TTLL11: variants seen among roughly 807,000 people sequenced by gnomAD.
The protein encoded by TTLL11 is tubulin polyglutamylase TTLL11.
In TTLL11, 42 loss-of-function variants were observed where a neutral mutation model predicts 51.7. The observed-to-expected ratio is 0.81, with a 90% CI of 0.64 to 1.05. TTLL11 has a LOEUF of 1.05. TTLL11 is among the 50% of genes least tolerant of loss of function. The pLI is 0.00. For synonymous variants in TTLL11, 381 were observed against 383.5 expected (o/e 0.99, Z 0.08); for missense variants, 799 against 940.4 (o/e 0.85, Z 1.97).
intron 6 of TTLL11, among the ~76,000 whole-genome samples, chr9:121,872,992 AG>A (rs1485146695): frequency 6.0e-4 from 91 of 152,356 alleles, no homozygotes; most frequent in Non-Finnish European, 7.5e-4. Context: ...TTAAGGTTAT[AG>A]GAAGAAAGAT....
At chr9:122,044,927 T>TAC (rs1161688319) in intron 1 of TTLL11, among the ~76,000 whole-genome samples, 1 of 151,768 alleles carries the variant, frequency 6.6e-6, no homozygotes, top group Non-Finnish European at 1.5e-5. Context: ...GGCCCCCATC[T>TAC]AACAAACAAC....
chr9:121,880,389 T>C (rs1432027376), intron 6 of TTLL11, among the ~76,000 whole-genome samples: 1 of 152,120 alleles, frequency 6.6e-6, no homozygotes, highest in African/African-American at 2.4e-5. Context: ...AAAACAGCCA[T>C]CTTTCAAATT....
At chr9:121,911,792 A>G (rs10818611) in intron 6 of TTLL11, among the ~76,000 whole-genome samples, 132,744 of 152,014 alleles carry the variant, frequency 0.87, 58,251 homozygotes, top group East Asian at 1. Context: ...GGGGTGGGGA[A>G]CTAGGGGAGG....
chr9:121,953,335 G>C (rs1397245117), intron 6 of TTLL11, among the ~76,000 whole-genome samples: 1 of 152,118 alleles, frequency 6.6e-6, no homozygotes, highest in Non-Finnish European at 1.5e-5. Context: ...GCCCAGAGTA[G>C]AAAATTAACC....
chr9:121,970,460 A>G (rs1384512817), intron 6 of TTLL11, among the ~76,000 whole-genome samples: 1 of 152,264 alleles, frequency 6.6e-6, no homozygotes, highest in Non-Finnish European at 1.5e-5. Flanking sequence ...AAAAAGACTC[A>G]GGCCATACAA....
At chr9:121,827,051 G>C (rs1317649012) in intron 8 of TTLL11, among the ~76,000 whole-genome samples, 1 of 152,306 alleles carries the variant, frequency 6.6e-6, no homozygotes, top group Middle Eastern at 3.4e-3. Flanking sequence ...GGCAAGGCCC[G>C]CGTGATCCGA....
intron 6 of TTLL11, among the ~76,000 whole-genome samples, chr9:121,903,925 T>C (rs1839848697): frequency 6.6e-6 from 1 of 152,220 alleles, no homozygotes; most frequent in Admixed American, 6.5e-5. Flanking sequence ...TGTTATTTTA[T>C]AGCTGGGAGT....
chr9:121,965,524 G>A lies in TTLL11; in HGVS notation c.1481+8485C>T, dbSNP rs376660526. ...CAATCCCCTCCCACCAGGTCTTGTGGGGATTACAATCCGAGATGAGATTTG... is the reference window on the plus strand; with the variant it reads ...CAATCCCCTCCCACCAGGTCTTGTGAGGATTACAATCCGAGATGAGATTTG... On this transcript the variant is annotated intron_variant, in intron 6 of 8. Coordinates refer to ENST00000321582, the MANE Select transcript of TTLL11 (RefSeq NM_001139442.2). Among the ~76,000 whole-genome samples the A allele has an allele frequency of 1.0e-3, 152 of 152,230 alleles. 1 individual carries two copies. Among genetic ancestry groups the A allele is most frequent in the African/African-American group, 3.5e-3 (145 of 41,544 alleles).
At chr9:121,985,533 T>C (rs1295311290) in intron 4 of TTLL11, among the ~76,000 whole-genome samples, 2 of 147,762 alleles carry the variant, frequency 1.4e-5, no homozygotes, top group Non-Finnish European at 3.0e-5. Context: ...TTTTTTTTTT[T>C]TGAGACTGAG....
intron 6 of TTLL11, among the ~76,000 whole-genome samples, chr9:121,961,181 C>T (rs1192782692): frequency 1.3e-5 from 2 of 152,102 alleles, no homozygotes; most frequent in African/African-American, 2.4e-5. Flanking sequence ...ATGAACCTGG[C>T]ACTGCTGTAG....
Position 122,011,426 on chromosome 9 carries a change from G to A in TTLL11, c.693+20297C>T, listed in dbSNP as rs1051379321. Among the ~76,000 whole-genome samples the A allele has an allele frequency of 2.6e-5, 4 of 152,032 alleles. No homozygotes were observed. The South Asian group carries it at 6.2e-4, about 24-fold the overall frequency. ...GAAAAAAAGTATATAATGTATTCAC[G>A]ATTATAGCCAGAGCATGTGATGTAT... On this transcript the variant is annotated intron_variant, in intron 3 of 8. Coordinates refer to ENST00000321582, the MANE Select transcript of TTLL11 (RefSeq NM_001139442.2).
At chr9:122,015,522 C>T (rs73550083) in intron 3 of TTLL11, among the ~76,000 whole-genome samples, 10,840 of 152,096 alleles carry the variant, frequency 0.071, 772 homozygotes, top group African/African-American at 0.16. Context: ...GCCACTGCAT[C>T]GGCCTCCAGG....
In TTLL11 at chr9:121,822,309, A is replaced by C; in HGVS notation, c.*278T>G. On this transcript the variant is annotated 3_prime_UTR_variant, in exon 9 of 9. Coordinates refer to ENST00000321582, the MANE Select transcript of TTLL11 (RefSeq NM_001139442.2). This position sits in a 1 kb window ranked among gnomAD's most constrained non-coding sequence, Gnocchi z 5.8. ...CCCAGTTGGTGCTTCCTGTGAGCCC[A>C]GAATAGAAGGTGCCATCTGTCACGT... The C allele has an allele frequency of 4.1e-6, 1 of 246,864 alleles. No homozygotes were observed. Among genetic ancestry groups the C allele is most frequent in the Non-Finnish European group, 7.7e-6 (1 of 130,018 alleles). 15.3% of individuals were successfully genotyped at this position (246,864 alleles called of 1,614,324 possible). A position where few individuals can be genotyped will look rare whatever the true frequency, so the allele number is the denominator to read the frequency against.
chr9:122,008,857 A>C (rs1054947238), intron 3 of TTLL11, among the ~76,000 whole-genome samples: 2 of 152,268 alleles, frequency 1.3e-5, no homozygotes, highest in African/African-American at 4.8e-5. Flanking sequence ...AATATAGTTC[A>C]GCCTTAAGAA....
intron 6 of TTLL11, among the ~76,000 whole-genome samples, chr9:121,915,668 A>T (rs1840294270): frequency 6.6e-6 from 1 of 152,176 alleles, no homozygotes; most frequent in Non-Finnish European, 1.5e-5. Flanking sequence ...GAACAAAAAA[A>T]TTGCTATTTT....
intron 6 of TTLL11, among the ~76,000 whole-genome samples, chr9:121,951,840 A>C (rs891170548): frequency 6.6e-6 from 1 of 152,198 alleles, no homozygotes; most frequent in African/African-American, 2.4e-5. Flanking sequence ...TTTTATGGTT[A>C]TTTCTTGATG....
At chr9:121,988,673 C>G (rs769040633) in intron 4 of TTLL11, among the ~76,000 whole-genome samples, 1 of 152,200 alleles carries the variant, frequency 6.6e-6, no homozygotes, top group African/African-American at 2.4e-5. Flanking sequence ...CGTGGCCCCA[C>G]GATCTCAGCA....
chr9:121,928,235 T>C (rs1840818768), intron 6 of TTLL11, among the ~76,000 whole-genome samples: 1 of 152,164 alleles, frequency 6.6e-6, no homozygotes, highest in Non-Finnish European at 1.5e-5. Flanking sequence ...GAAAATGTGA[T>C]GTCACTTCTA....
intron 3 of TTLL11, among the ~76,000 whole-genome samples, chr9:122,030,641 G>T (rs1844508320): frequency 1.3e-5 from 2 of 152,076 alleles, no homozygotes; most frequent in South Asian, 4.2e-4. Context: ...AATAATGTGG[G>T]CTGGGCGTGG....
Sources: gnomAD v4.1 joint callset for allele counts (sites outside exome capture counted in the v4.1 genomes callset) on GRCh38, gnomAD v4.1.1 for gene constraint, Gnocchi (gnomAD v3.1) non-coding constraint, MANE v1.5 for transcripts, NCBI Gene and HGNC (gene_info 2026-07-23, HGNC 2026-07-21) for gene names.